IL2RB: variants seen among roughly 807,000 people sequenced by gnomAD.
IL2RB encodes interleukin-2 receptor subunit beta.
Under a neutral mutation model 44.2 loss-of-function variants are expected in IL2RB, and 17 were observed. That is an observed-to-expected ratio of 0.38 (90% CI 0.26 to 0.58). The LOEUF (loss-of-function observed/expected upper bound fraction) is 0.58, where lower values mean the gene tolerates loss of function less well. IL2RB is among the 20% of genes least tolerant of loss of function. The probability of loss-of-function intolerance (pLI) is 0.63; values close to 1 mark genes in which losing one functional copy is unlikely to be tolerated. For missense variants in IL2RB, 624 were observed against 685.5 expected, an observed-to-expected ratio of 0.91 and a Z score of 1.00; for synonymous variants, 286 against 297.9, an observed-to-expected ratio of 0.96 and a Z score of 0.41.
At chr22:37,131,297 C>T (rs1921411767) in intron 9 of IL2RB, among the ~76,000 whole-genome samples, 1 of 152,208 alleles carries the variant, frequency 6.6e-6, no homozygotes, top group Non-Finnish European at 1.5e-5. Context: ...CAGGTCATGA[C>T]AGCTCTGGTC....
chr22:37,146,999 C>A (rs2146249753), intron 1 of IL2RB, among the ~76,000 whole-genome samples: 1 of 152,310 alleles, frequency 6.6e-6, no homozygotes, highest in Admixed American at 6.5e-5. Context: ...GCTCTCTGAG[C>A]AAGCACAGTC....
chr22:37,159,107 A>T (rs1429158331), intron 1 of IL2RB, among the ~76,000 whole-genome samples: 3 of 152,204 alleles, frequency 2.0e-5, no homozygotes, highest in Non-Finnish European at 2.9e-5. Flanking sequence ...ATTCTTGGGC[A>T]GGTTTCACCA....
rs146858997 is a variant in IL2RB, at chr22:37,128,804, G to T, written c.948C>A (p.Gly316=). 2 of 1,612,486 alleles carry T rather than the reference G, an allele frequency of 1.2e-6. No homozygotes were observed. Among genetic ancestry groups the T allele is most frequent in the African/African-American group, 1.3e-5 (1 of 75,020 alleles). ...GTGGCGAGATCTCAGGTGCCAGGCC[G>T]CCAGGGCTGAAGGACGATGAGGGGA... ...SPFPSSSFSP[G]GLAPEISPLE... is the part of the protein sequence containing the mutation. The change falls in exon 10 of 10, where the codon GGC becomes GGA. Residue 316 remains glycine, a synonymous_variant. Coordinates refer to ENST00000216223, the MANE Select transcript of IL2RB (RefSeq NM_000878.5). This position sits in a 1 kb window ranked among gnomAD's most constrained non-coding sequence, Gnocchi z 4.5.
chr22:37,165,691 A>T (rs967141454), intron 1 of IL2RB, among the ~76,000 whole-genome samples: 2 of 147,934 alleles, frequency 1.4e-5, no homozygotes, highest in African/African-American at 5.0e-5. Context: ...AATTTAATTT[A>T]ATTTAATTTA....
chr22:37,144,191 C>A lies in IL2RB; in HGVS notation c.-19G>T. On this transcript the variant is annotated 5_prime_UTR_variant, in exon 2 of 10. Coordinates refer to ENST00000216223, the MANE Select transcript of IL2RB (RefSeq NM_000878.5). ...CCGCCATTACATCCACAGGGTGGAG[C>A]CGAGGAAGGAAGCCCTGGTGGGAGA... 14 of 1,548,376 alleles carry A rather than the reference C, an allele frequency of 9.0e-6. No individual in the cohort carries two copies. Among genetic ancestry groups the A allele is most frequent in the Non-Finnish European group, 1.2e-5 (14 of 1,145,420 alleles).
Position 37,137,613 on chromosome 22 carries a change from T to A in IL2RB, c.511A>T (p.Thr171Ser). Residue 171 changes from threonine (T) to serine (S), a missense_variant, in exon 6 of 10, where the codon ACG (threonine) becomes TCG (serine). By Grantham distance (58) the Thr-to-Ser change is moderately conservative. This residue lies in a region of IL2RB where 255 missense variants were observed against 339.9 expected (regional missense o/e 0.75). Transcript: ENST00000216223. ...TCCCAGGTGTGGCCTGGGGACAGCG[T>A]CCGGGCCTCGAACTCCAGGTGTCTT... ...FERHLEFEAR[T>S]LSPGHTWEEA... The A allele has an allele frequency of 6.2e-7, 1 of 1,614,202 alleles. No homozygotes were observed. Among genetic ancestry groups the A allele is most frequent in the Non-Finnish European group, 8.5e-7 (1 of 1,180,028 alleles).
Position 37,128,415 on chromosome 22 carries a change from C to T in IL2RB, c.1337G>A (p.Gly446Glu). Reference sequence around the variant, plus strand: ...CCTCTCTTCACCGGCCCCACTGCCCCCAGGGGCAGTGCTTGGGGGGCTGGG... The same window carrying T: ...CCTCTCTTCACCGGCCCCACTGCCCTCAGGGGCAGTGCTTGGGGGGCTGGG... ...GGPSPPSTAP[G>E]GSGAGEERMP... Residue 446 changes from glycine to glutamate, a missense_variant, in exon 10 of 10, where the codon GGG becomes GAG. Gly to Glu is a moderately conservative substitution (Grantham distance 98). This residue lies in a region of IL2RB where 291 missense variants were observed against 275.5 expected (regional missense o/e 1.06). Coordinates refer to ENST00000216223, the MANE Select transcript of IL2RB (RefSeq NM_000878.5). This position sits in a 1 kb window ranked among gnomAD's most constrained non-coding sequence, Gnocchi z 4.5. 1 of 1,521,150 alleles carries T rather than the reference C, an allele frequency of 6.6e-7. No individual in the cohort carries two copies. The highest frequency in any genetic ancestry group is 8.8e-7 in the Non-Finnish European group (1 of 1,135,344). 94.2% of individuals were successfully genotyped at this position (1,521,150 alleles called of 1,614,324 possible).
In IL2RB at chr22:37,157,190, G is replaced by A. The variant is rs539907106; in HGVS notation, c.-33-12985C>T. ...CAGAGCAGAACAAGGAGAAAGAGCA[G>A]GCTAGCGGCCGACTTCCTGAGGGCT... On this transcript the variant is annotated intron_variant, in intron 1 of 5. Transcript: ENST00000429622. 9.8e-4 allele frequency among the ~76,000 whole-genome samples: 149 copies of A among 152,308 alleles called. 1 individual carries two copies. Among genetic ancestry groups the A allele is most frequent in the Middle Eastern group, 6.8e-3 (2 of 294 alleles).
intron 8 of IL2RB, among the ~76,000 whole-genome samples, 195 bp downstream of exon 8, chr22:37,135,131 CTT>C (rs1921619478): frequency 6.6e-6 from 1 of 152,094 alleles, no homozygotes; most frequent in Admixed American, 6.5e-5. Context: ...AGGGAGGACT[CTT>C]TGGAGGGTAG....
chr22:37,136,260 C>G lies in IL2RB; in HGVS notation c.671G>C (p.Ser224Thr). 2.5e-6 allele frequency: 4 copies of G among 1,612,074 alleles called. No homozygotes were observed. The highest frequency in any genetic ancestry group is 3.4e-6 in the Non-Finnish European group (4 of 1,179,578). Residue 224 changes from serine (S) to threonine (T), a missense_variant, in exon 7 of 10, where the codon AGC becomes ACC. By Grantham distance (58) the Ser-to-Thr change is moderately conservative (BLOSUM62 1). This residue lies in a region of IL2RB where 255 missense variants were observed against 339.9 expected (regional missense o/e 0.75). Transcript: ENST00000216223. ...CTTTGTCCTGAAGGCCAGGGGCTGG[C>G]TCCAGGGGCTCCAGGTCGTGAACTC... is the stretch of plus-strand genomic sequence containing the variant. Reference protein sequence around the residue: ...QGEFTTWSPWSQPLAFRTKPA... With the variant: ...QGEFTTWSPWTQPLAFRTKPA...
Position 37,128,433 on chromosome 22 carries a change from G to A in IL2RB, c.1319C>T (p.Pro440Leu), listed in dbSNP as rs1200477716. Residue 440 changes from proline to leucine, a missense_variant, in exon 10 of 10, where the codon CCC becomes CTC. Coordinates refer to ENST00000216223, the MANE Select transcript of IL2RB (RefSeq NM_000878.5). The surrounding 1 kb of genome is among the most constrained non-coding windows in gnomAD (Gnocchi z 4.5). ...FSPSLLGGPSPPSTAPGGSGA... is the reference protein window; with the variant it reads ...FSPSLLGGPSLPSTAPGGSGA... ...ACTGCCCCCAGGGGCAGTGCTTGGG[G>A]GGCTGGGGCCACCGAGGAGACTGGG... The A allele has an allele frequency of 6.5e-7, 1 of 1,539,214 alleles. No individual in the cohort carries two copies. Among genetic ancestry groups the A allele is most frequent in the Non-Finnish European group, 8.8e-7 (1 of 1,141,250 alleles).
intron 3 of IL2RB, 75 bp from the exon 4 acceptor site, chr22:37,142,587 C>A (rs1037140482): frequency 4.8e-6 from 7 of 1,447,470 alleles, no homozygotes; most frequent in Non-Finnish European, 6.8e-6. Flanking sequence ...CTTCTCAGAT[C>A]TCTCTGCTGC....
intron 1 of IL2RB, among the ~76,000 whole-genome samples, chr22:37,170,208 C>G (rs781772768): frequency 5.3e-4 from 81 of 151,962 alleles, no homozygotes; most frequent in Non-Finnish European, 8.4e-4. Context: ...TCAGGAAGGC[C>G]AGAACACAGC....
intron 1 of IL2RB, among the ~76,000 whole-genome samples, chr22:37,149,217 T>A (rs2146252688): frequency 6.6e-6 from 1 of 152,294 alleles, no homozygotes; most frequent in African/African-American, 2.4e-5. Context: ...GAGATGCTTC[T>A]GACCTGTCCA....
chr22:37,135,231 T>C (rs965181639), intron 8 of IL2RB, 97 bp downstream of exon 8: 1 of 788,580 alleles, frequency 1.3e-6, no homozygotes, highest in African/African-American at 1.7e-5. Flanking sequence ...TGTGTGTGTG[T>C]GTATGTGTGC....
intron 8 of IL2RB, among the ~76,000 whole-genome samples, 197 bp from the exon 9 acceptor site, chr22:37,132,665 A>G (rs1487667692): frequency 1.3e-5 from 2 of 152,260 alleles, no homozygotes; most frequent in African/African-American, 2.4e-5. Flanking sequence ...CCAACAAAGG[A>G]GGTCCCTGCT....
chr22:37,135,015 G>A (rs768497762), intron 8 of IL2RB, among the ~76,000 whole-genome samples: 19 of 152,316 alleles, frequency 1.2e-4, no homozygotes, highest in Non-Finnish European at 2.2e-4. Flanking sequence ...TCTGGACAGG[G>A]CCCCGGGGCT....
Position 37,134,786 on chromosome 22 carries a change from T to A in IL2RB, c.818+542A>T, listed in dbSNP as rs538537284. Reference sequence around the variant, plus strand: ...GTGTGTCATTACACACCTGCATGATTGTCTGCCTTCCCCCACTGGGCCGTG... The same window carrying A: ...GTGTGTCATTACACACCTGCATGATAGTCTGCCTTCCCCCACTGGGCCGTG... On this transcript the variant is annotated intron_variant, in intron 8 of 9. Transcript: ENST00000216223. Among the ~76,000 whole-genome samples the A allele has an allele frequency of 9.9e-5, 15 of 152,264 alleles. No homozygotes were observed. The South Asian group carries it at 2.1e-3, about 21-fold the overall frequency.
At position 37,145,571 on chromosome 22, in the gene IL2RB, C is replaced by A. The variant is rs111271167; in HGVS notation, c.-33-1366G>T. Among the ~76,000 whole-genome samples the A allele has an allele frequency of 3.9e-3, 594 of 151,946 alleles. 1 individual carries two copies. Among genetic ancestry groups the A allele is most frequent in the Non-Finnish European group, 5.3e-3 (359 of 67,964 alleles). On this transcript the variant is annotated intron_variant, in intron 1 of 9. Transcript: ENST00000216223. The stretch of plus-strand genomic sequence containing the variant: ...CCACCCTCTGCAGGGGCTGGGTGTG[C>A]GGAGGGGAATGAGAAAGTGAGCACA...
Sources: allele counts gnomAD v4.1 joint callset (sites outside exome capture counted in the v4.1 genomes callset), GRCh38; gene constraint gnomAD v4.1.1; regional missense constraint gnomAD v4.1.1; non-coding constraint Gnocchi (gnomAD v3.1); transcripts MANE v1.5; gene names NCBI Gene and HGNC (gene_info 2026-07-23, HGNC 2026-07-21).